Variants in TGM3 observed in about 807,000 individuals in gnomAD.
TGM3 encodes the protein protein-glutamine gamma-glutamyltransferase E.
Under a neutral mutation model 73.8 loss-of-function variants are expected in TGM3, and 52 were observed. The ratio of observed to expected loss-of-function variants is 0.70; its 90% CI spans 0.56 to 0.89. The LOEUF (loss-of-function observed/expected upper bound fraction) is 0.89, where lower values mean the gene tolerates loss of function less well. Ranked by LOEUF, TGM3 falls within the 40% of genes least tolerant of loss-of-function variation. The pLI, the probability that TGM3 is intolerant of heterozygous loss-of-function variation, is 0.00. For synonymous variants in TGM3, 372 were observed against 354.9 expected, an observed-to-expected ratio of 1.05 and a Z score of -0.54; for missense variants, 928 against 909.9, an observed-to-expected ratio of 1.02 and a Z score of -0.26.
rs762310213 is a variant in TGM3 at position 2,335,069 on chromosome 20, G to A, written c.1643-47G>A. ...CATCTGTTCTGAGGAAGGTTCAGAAGCCATCCCCACTCCCCCTCACTCGGA... is the reference window on the plus strand; with the variant it reads ...CATCTGTTCTGAGGAAGGTTCAGAAACCATCCCCACTCCCCCTCACTCGGA... On this transcript the variant is annotated intron_variant, in intron 10 of 12. Transcript: ENST00000381458. The A allele has an allele frequency of 3.1e-6, 5 of 1,609,630 alleles. No individual in the cohort carries two copies. In the East Asian group the frequency reaches 6.7e-5, roughly 22 times the overall value.
chr20:2,301,388 G>T (rs1228638461), intron 1 of TGM3, among the ~76,000 whole-genome samples: 1 of 149,510 alleles, frequency 6.7e-6, no homozygotes, highest in Non-Finnish European at 1.5e-5. Context: ...TTTCATGAAG[G>T]GGAGATGGCT....
At chr20:2,330,523 GAC>G (rs1226981949) in intron 9 of TGM3, among the ~76,000 whole-genome samples, 1 of 152,248 alleles carries the variant, frequency 6.6e-6, no homozygotes, top group East Asian at 1.9e-4. Context: ...CAGGGGTCCA[GAC>G]ACCAGGGAAC....
chr20:2,323,916 T>C (rs555075832), intron 7 of TGM3, among the ~76,000 whole-genome samples: 12 of 152,364 alleles, frequency 7.9e-5, no homozygotes, highest in African/African-American at 2.9e-4. Flanking sequence ...TTTCTTTTTC[T>C]ATTTCTTATT....
At chr20:2,327,058 C>T (rs1177668243) in intron 8 of TGM3, among the ~76,000 whole-genome samples, 4 of 152,052 alleles carry the variant, frequency 2.6e-5, no homozygotes, top group African/African-American at 9.7e-5. Context: ...TTCATTGCAA[C>T]CCATTAGTGG....
Position 2,296,082 on chromosome 20 carries a change from G to A in TGM3, c.7+12G>A, listed in dbSNP as rs1326047347. On this transcript the variant is annotated intron_variant, in intron 1 of 12. Coordinates refer to ENST00000381458, the MANE Select transcript of TGM3 (RefSeq NM_003245.4). ...GCGAAACATGGCTGGTGAGTGCATG[G>A]CATCTTCTCCATCAGGTCCTTGCCA... The A allele has an allele frequency of 1.9e-6, 3 of 1,550,478 alleles. No individual in the cohort carries two copies. Among genetic ancestry groups the A allele is most frequent in the East Asian group, 4.9e-5 (2 of 40,926 alleles).
intron 9 of TGM3, among the ~76,000 whole-genome samples, chr20:2,330,860 G>T (rs764477285): frequency 3.3e-5 from 5 of 151,892 alleles, no homozygotes; most frequent in South Asian, 2.1e-4. Context: ...GCAAAAATTA[G>T]CTGGGCTTGG....
intron 4 of TGM3, among the ~76,000 whole-genome samples, chr20:2,312,272 G>A (rs565282019): frequency 1.3e-5 from 2 of 151,034 alleles, no homozygotes; most frequent in South Asian, 4.2e-4. Context: ...TGGTGGCACG[G>A]GCCTGTAATC....
Position 2,339,996 on chromosome 20 carries a change from T to C in TGM3, c.1934+9T>C. On this transcript the variant is annotated intron_variant, in intron 12 of 12. Transcript: ENST00000381458. The stretch of plus-strand genomic sequence containing the variant: ...GGTAACCTGAAGATCGAGTGAGTCC[T>C]GGGCCTAAGTGGCCGGTGCAGGAGG... The C allele has an allele frequency of 1.2e-6, 1 of 840,488 alleles. No homozygotes were observed. The highest frequency in any genetic ancestry group is 6.1e-5 in the East Asian group (1 of 16,266). 52.1% of individuals were successfully genotyped at this position (840,488 alleles called of 1,614,324 possible).
chr20:2,333,130 A>G (rs2084330070), intron 10 of TGM3, among the ~76,000 whole-genome samples: 1 of 152,222 alleles, frequency 6.6e-6, no homozygotes, highest in South Asian at 2.1e-4. Flanking sequence ...TGGACTTACA[A>G]GCCGGATTAA....
intron 4 of TGM3, 141 bp from the exon 5 acceptor site, chr20:2,312,757 G>A: frequency 8.3e-7 from 1 of 1,203,320 alleles, no homozygotes; most frequent in Non-Finnish European, 1.2e-6. Flanking sequence ...CATGGTGGCT[G>A]TCCTCAGTAG....
chr20:2,340,394 T>A (rs997225228), intron 12 of TGM3, 40 bp from the exon 13 acceptor site: 2 of 1,611,568 alleles, frequency 1.2e-6, no homozygotes, highest in African/African-American at 2.7e-5. Flanking sequence ...CCAAGGTCCG[T>A]GTGTCTCGTA....
At chr20:2,313,873 A>T (rs1015417278) in intron 5 of TGM3, among the ~76,000 whole-genome samples, 4 of 151,560 alleles carry the variant, frequency 2.6e-5, no homozygotes, top group Non-Finnish European at 5.9e-5. Flanking sequence ...TACAGAAATT[A>T]AAAAAAAACT....
intron 11 of TGM3, among the ~76,000 whole-genome samples, chr20:2,335,644 G>C (rs1353303089): frequency 6.6e-6 from 1 of 152,016 alleles, no homozygotes; most frequent in Non-Finnish European, 1.5e-5. Flanking sequence ...TGCCAGGCTT[G>C]AGATCTGCTG....
chr20:2,296,329 C>T (rs2084106967), intron 1 of TGM3, among the ~76,000 whole-genome samples: 1 of 152,140 alleles, frequency 6.6e-6, no homozygotes, highest in Non-Finnish European at 1.5e-5. Context: ...AGCTGGACAT[C>T]GCATCTCCTT....
In TGM3 at chr20:2,334,136, A is replaced by G; in HGVS notation, c.1643-980A>G. On this transcript the variant is annotated intron_variant, in intron 10 of 12. Transcript: ENST00000381458. The surrounding 1 kb of genome is among the most constrained non-coding windows in gnomAD (Gnocchi z 4.0). The stretch of plus-strand genomic sequence containing the variant: ...CCACAGGGTCAGAAGAGAGGACTTA[A>G]AGCGTGGGGAAGGAGCCGGATGCAT... Among the ~76,000 whole-genome samples, 1 of 152,196 alleles carries G rather than the reference A, an allele frequency of 6.6e-6. No homozygotes were observed. Among genetic ancestry groups the G allele is most frequent in the East Asian group, 1.9e-4 (1 of 5,190 alleles).
At chr20:2,327,709 A>T (rs1394073515) in intron 8 of TGM3, among the ~76,000 whole-genome samples, 1 of 152,176 alleles carries the variant, frequency 6.6e-6, no homozygotes, top group Non-Finnish European at 1.5e-5. Flanking sequence ...CAGAGGAACA[A>T]GAGGTCCCTG....
At chr20:2,301,222 C>T (rs1041009694) in intron 1 of TGM3, among the ~76,000 whole-genome samples, 2 of 151,288 alleles carry the variant, frequency 1.3e-5, no homozygotes, top group Non-Finnish European at 2.9e-5. Context: ...AGCAGGAAAG[C>T]ACGTGTGTCC....
chr20:2,302,714 T>TAAA (rs56347560), intron 1 of TGM3, among the ~76,000 whole-genome samples: 3 of 105,260 alleles, frequency 2.9e-5, no homozygotes, highest in Non-Finnish European at 5.8e-5. Context: ...AGAGGTTTTC[T>TAAA]AAAAAAAAAA....
At chr20:2,306,538 A>G (rs928236445) in intron 1 of TGM3, among the ~76,000 whole-genome samples, 5 of 141,306 alleles carry the variant, frequency 3.5e-5, no homozygotes, top group Non-Finnish European at 4.5e-5. Flanking sequence ...GTGCAGTGGC[A>G]TGATCTCAAC....
Sources: gnomAD v4.1 joint callset for allele counts (sites outside exome capture counted in the v4.1 genomes callset) on GRCh38, gnomAD v4.1.1 for gene constraint, Gnocchi (gnomAD v3.1) non-coding constraint, MANE v1.5 for transcripts, NCBI Gene and HGNC (gene_info 2026-07-23, HGNC 2026-07-21) for gene names.